Variants in VPS13B observed in about 807,000 individuals in gnomAD.
VPS13B encodes intermembrane lipid transfer protein VPS13B.
Under a neutral mutation model 426.4 loss-of-function variants are expected in VPS13B, and 285 were observed. The observed-to-expected ratio is 0.67, with a 90% CI of 0.61 to 0.74. VPS13B has a LOEUF of 0.74. Ranked by LOEUF, VPS13B falls within the 30% of genes least tolerant of loss-of-function variation. The pLI, the probability that VPS13B is intolerant of heterozygous loss-of-function variation, is 0.00. For synonymous variants in VPS13B, 1,676 were observed against 1,676.4 expected (o/e 1.00, Z 0.01); for missense variants, 4,537 against 4,782.6 (o/e 0.95, Z 1.51).
intron 33 of VPS13B, among the ~76,000 whole-genome samples, chr8:99,618,736 TAA>T (rs1442663724): frequency 2.6e-5 from 4 of 152,250 alleles, no homozygotes; most frequent in Non-Finnish European, 5.9e-5. Context: ...CCTCTGAATA[TAA>T]TCCTTTGACC....
At chr8:99,691,079 G>A (rs777361569) in intron 35 of VPS13B, among the ~76,000 whole-genome samples, 1 of 152,122 alleles carries the variant, frequency 6.6e-6, no homozygotes, top group Non-Finnish European at 1.5e-5. Flanking sequence ...AACCTTGGAA[G>A]CATTATGCTA....
intron 25 of VPS13B, 101 bp downstream of exon 25, chr8:99,481,903 C>T: frequency 1.5e-6 from 2 of 1,337,656 alleles, no homozygotes; most frequent in South Asian, 1.3e-5. Context: ...ACTGTGAAAA[C>T]TGATAGATTC....
At chr8:99,444,850 G>A (rs1264271274) in intron 23 of VPS13B, among the ~76,000 whole-genome samples, 1 of 151,910 alleles carries the variant, frequency 6.6e-6, no homozygotes, top group East Asian at 1.9e-4. Context: ...TTTTGTAGAG[G>A]TGGGGTTTCA....
intron 3 of VPS13B, among the ~76,000 whole-genome samples, chr8:99,041,204 C>T (rs1308959554): frequency 6.6e-6 from 1 of 152,154 alleles, no homozygotes; most frequent in Non-Finnish European, 1.5e-5. Flanking sequence ...ATTGAAACTT[C>T]ACTCATGAAA....
intron 20 of VPS13B, among the ~76,000 whole-genome samples, chr8:99,390,537 T>A (rs1183822438): frequency 6.6e-6 from 1 of 152,244 alleles, no homozygotes; most frequent in Non-Finnish European, 1.5e-5. Context: ...AATACTTTTT[T>A]ATAATGTACA....
intron 19 of VPS13B, among the ~76,000 whole-genome samples, chr8:99,280,916 A>T (rs1209849259): frequency 2.0e-5 from 3 of 151,978 alleles, no homozygotes; most frequent in African/African-American, 7.3e-5. Context: ...ATTTACTGCT[A>T]TGGTTGATCA....
At chr8:99,231,844 AAAAG>A (rs1369508600) in intron 17 of VPS13B, among the ~76,000 whole-genome samples, 1 of 152,202 alleles carries the variant, frequency 6.6e-6, no homozygotes, top group Non-Finnish European at 1.5e-5. Context: ...ATTTTTTTAA[AAAAG>A]AAAGAAATAA....
At chr8:99,836,508 G>A (rs535054292) in intron 54 of VPS13B, among the ~76,000 whole-genome samples, 2 of 140,802 alleles carry the variant, frequency 1.4e-5, no homozygotes, top group South Asian at 4.5e-4. Flanking sequence ...CAGATAAGTA[G>A]AATCATAAAA....
chr8:99,307,920 G>C (rs1404322723), intron 19 of VPS13B, among the ~76,000 whole-genome samples: 2 of 151,936 alleles, frequency 1.3e-5, no homozygotes, highest in Non-Finnish European at 2.9e-5. Context: ...CACTGCTTTT[G>C]CTGTATTCCC....
chr8:99,425,161 T>C (rs1816620598), intron 21 of VPS13B, among the ~76,000 whole-genome samples: 1 of 152,114 alleles, frequency 6.6e-6, no homozygotes, highest in Non-Finnish European at 1.5e-5. Context: ...TACCATTCCT[T>C]CTGAAACTAT....
intron 43 of VPS13B, among the ~76,000 whole-genome samples, chr8:99,807,086 T>C (rs973355597): frequency 2.6e-5 from 4 of 152,246 alleles, no homozygotes; most frequent in African/African-American, 7.2e-5. Context: ...ATTATGCATA[T>C]GGGAAGAAGT....
chr8:99,656,469 T>C (rs1442671463), intron 34 of VPS13B, among the ~76,000 whole-genome samples: 1 of 152,232 alleles, frequency 6.6e-6, no homozygotes, highest in African/African-American at 2.4e-5. Flanking sequence ...TGTCACTCCA[T>C]TTATATTACA....
chr8:99,172,276 T>C (rs1812382990), intron 16 of VPS13B, among the ~76,000 whole-genome samples: 2 of 152,120 alleles, frequency 1.3e-5, no homozygotes. Context: ...TTTTGGAAGT[T>C]TGGAGTATAG....
At chr8:99,643,378 T>G (rs908350498) in intron 34 of VPS13B, among the ~76,000 whole-genome samples, 4 of 152,154 alleles carry the variant, frequency 2.6e-5, no homozygotes, top group African/African-American at 4.8e-5. Flanking sequence ...AGACAATGTA[T>G]CTAATCTGGA....
chr8:99,477,555 T>G (rs1401504919), intron 24 of VPS13B, among the ~76,000 whole-genome samples: 1 of 152,194 alleles, frequency 6.6e-6, no homozygotes, highest in Non-Finnish European at 1.5e-5. Context: ...TGATTACATT[T>G]TATGGAAATA....
intron 34 of VPS13B, among the ~76,000 whole-genome samples, chr8:99,650,753 G>A (rs1379663663): frequency 6.6e-6 from 1 of 152,096 alleles, no homozygotes; most frequent in Non-Finnish European, 1.5e-5. Flanking sequence ...ACAGGTAATT[G>A]CAGGTAACTG....
intron 16 of VPS13B, among the ~76,000 whole-genome samples, chr8:99,183,717 G>T (rs1375470221): frequency 1.3e-5 from 2 of 151,854 alleles, no homozygotes; most frequent in African/African-American, 2.4e-5. Context: ...AAGTAATAAA[G>T]GTAATCCTTA....
chr8:99,732,760 G>A (rs1254865906), intron 39 of VPS13B, among the ~76,000 whole-genome samples: 1 of 152,220 alleles, frequency 6.6e-6, no homozygotes, highest in Non-Finnish European at 1.5e-5. Context: ...CACTTAAGAA[G>A]CAAATGGGAT....
At chr8:99,801,993 TACAAA>T (rs1321352657) in intron 43 of VPS13B, among the ~76,000 whole-genome samples, 1 of 151,978 alleles carries the variant, frequency 6.6e-6, no homozygotes, top group Non-Finnish European at 1.5e-5. Flanking sequence ...CTACAAAAGA[TACAAA>T]AATTAGTCGG....
Sources: gnomAD v4.1 joint callset for allele counts (sites outside exome capture counted in the v4.1 genomes callset) on GRCh38, gnomAD v4.1.1 for gene constraint, MANE v1.5 for transcripts, NCBI Gene and HGNC (gene_info 2026-07-23, HGNC 2026-07-21) for gene names.